Variants in SAMD3 observed in about 807,000 individuals in gnomAD.
The protein encoded by SAMD3 is sterile alpha motif domain-containing protein 3.
In SAMD3, 63 loss-of-function variants were observed where a neutral mutation model predicts 58.5. That is an observed-to-expected ratio of 1.08 (90% CI 0.88 to 1.33). The LOEUF (loss-of-function observed/expected upper bound fraction) is 1.33, where lower values mean the gene tolerates loss of function less well. Ranked by LOEUF, SAMD3 falls within the 40% of genes most tolerant of loss-of-function variation. The pLI, the probability that SAMD3 is intolerant of heterozygous loss-of-function variation, is 0.00. For missense variants in SAMD3, 604 were observed against 608.4 expected (o/e 0.99, Z 0.08); for synonymous variants, 220 against 210.3 (o/e 1.05, Z -0.40).
At chr6:130,318,955 G>C (rs1371618579) in intron 1 of SAMD3, among the ~76,000 whole-genome samples, 1 of 152,070 alleles carries the variant, frequency 6.6e-6, no homozygotes, top group Non-Finnish European at 1.5e-5. Flanking sequence ...TAGATATGAA[G>C]ATACAAAAAT....
chr6:130,276,511 T>C lies in SAMD3; in HGVS notation c.-188+36467A>G, dbSNP rs139631759. Among the ~76,000 whole-genome samples the C allele has an allele frequency of 1.8e-3, 273 of 152,234 alleles. 2 individuals carry two copies. Among genetic ancestry groups the C allele is most frequent in the African/African-American group, 6.0e-3 (248 of 41,542 alleles). The stretch of plus-strand genomic sequence containing the variant: ...CTCTCATAACAGATATTAAGCATAT[T>C]AAAAATATTATAAAGCTATAATAAT... On this transcript the variant is annotated intron_variant, in intron 2 of 13. Transcript: ENST00000368134.
intron 2 of SAMD3, among the ~76,000 whole-genome samples, chr6:130,309,098 C>G (rs192450431): frequency 6.6e-6 from 1 of 152,130 alleles, no homozygotes; most frequent in Non-Finnish European, 1.5e-5. Context: ...GAGAAGAGAG[C>G]CTTCTCCAAG....
intron 8 of SAMD3, among the ~76,000 whole-genome samples, chr6:130,174,028 C>A (rs542658724): frequency 3.3e-5 from 5 of 152,344 alleles, no homozygotes; most frequent in South Asian, 2.1e-4. Flanking sequence ...GCCCTCCCCC[C>A]ACCAAGCTCG....
chr6:130,166,800 A>G (rs567954674), intron 8 of SAMD3, among the ~76,000 whole-genome samples: 1 of 152,342 alleles, frequency 6.6e-6, no homozygotes, highest in East Asian at 1.9e-4. Flanking sequence ...AATCCATGGA[A>G]ATGTAAATCA....
At position 130,307,400 on chromosome 6, in the gene SAMD3, T is replaced by G. The variant is rs539488287; in HGVS notation, c.-188+5578A>C. ...ATCTTTTTGTGAGCATTGGGAGAGATAGATTTGGAGTTAAGCTTTCTTTTC... is the reference window on the plus strand; with the variant it reads ...ATCTTTTTGTGAGCATTGGGAGAGAGAGATTTGGAGTTAAGCTTTCTTTTC... On this transcript the variant is annotated intron_variant, in intron 2 of 13. Transcript: ENST00000368134. Among the ~76,000 whole-genome samples, 228 of 152,330 alleles carry G rather than the reference T, an allele frequency of 1.5e-3. 2 individuals are homozygous for G. The highest frequency in any genetic ancestry group is 2.5e-3 in the Non-Finnish European group (171 of 68,018).
At chr6:130,287,927 G>C (rs565238719) in intron 2 of SAMD3, among the ~76,000 whole-genome samples, 1 of 146,558 alleles carries the variant, frequency 6.8e-6, no homozygotes, top group African/African-American at 2.5e-5. Flanking sequence ...CCTGGTGACA[G>C]AGCATGACTC....
Position 130,146,121 on chromosome 6 carries a change from A to G in SAMD3, c.1084T>C (p.Leu362=), listed in dbSNP as rs367814564. 5 of 1,602,482 alleles carry G rather than the reference A, an allele frequency of 3.1e-6. No homozygotes were observed. The highest frequency in any genetic ancestry group is 1.7e-4 in the Middle Eastern group (1 of 6,016). ...AGTATATTTTCTGAATAGGATTCCA[A>G]AATGTGCCTTGTTTTCTTATAAATA... ...TDIYKKTRHI[L]ESYSENILTS... is the part of the protein sequence containing the mutation. The change falls in exon 10 of 12, where the codon TTG becomes CTG. Residue 362 remains leucine, a synonymous_variant. Transcript: ENST00000439090.
intron 8 of SAMD3, among the ~76,000 whole-genome samples, chr6:130,175,604 A>G (rs979445978): frequency 3.3e-5 from 5 of 152,208 alleles, no homozygotes; most frequent in African/African-American, 1.2e-4. Context: ...AAGTTTTTGA[A>G]GGTTGTGAAA....
intron 5 of SAMD3, among the ~76,000 whole-genome samples, chr6:130,190,932 C>T (rs1582861444): frequency 6.6e-6 from 1 of 151,932 alleles, no homozygotes; most frequent in Admixed American, 6.6e-5. Flanking sequence ...CAATTTCAAA[C>T]ACTATTTCTG....
intron 2 of SAMD3, among the ~76,000 whole-genome samples, chr6:130,274,686 C>T (rs1774709633): frequency 6.6e-6 from 1 of 151,570 alleles, no homozygotes; most frequent in Non-Finnish European, 1.5e-5. Flanking sequence ...GTGATGTGTT[C>T]ATCTGAGCAC....
At chr6:130,143,372 A>G (rs550438186), downstream of SAMD3, among the ~76,000 whole-genome samples, 166 of 152,198 alleles carry the variant, frequency 1.1e-3, no homozygotes, top group Non-Finnish European at 1.8e-3. Flanking sequence ...CAGCCTCCCA[A>G]GTAGCTGGGA....
intron 9 of SAMD3, among the ~76,000 whole-genome samples, chr6:130,147,342 C>T (rs1175847694): frequency 6.6e-6 from 1 of 152,196 alleles, no homozygotes; most frequent in Non-Finnish European, 1.5e-5. Context: ...GGCATAGTGG[C>T]TTTGTTACCA....
chr6:130,145,997 A>G lies in SAMD3; in HGVS notation c.1195+13T>C. On this transcript the variant is annotated intron_variant, in intron 10 of 11. Transcript: ENST00000439090. ...AACAGATGAAATCACACCACTCCAT[A>G]AGGTTTACTAACATTTCAACATGTC... 7.0e-7 allele frequency: 1 copy of G among 1,433,440 alleles called. No individual in the cohort carries two copies. The highest frequency in any genetic ancestry group is 9.2e-7 in the Non-Finnish European group (1 of 1,086,076). The allele number at this position is 1,433,440 out of a possible 1,614,324, so 88.8% of individuals were successfully genotyped here. A position where few individuals can be genotyped will look rare whatever the true frequency, so the allele number is the denominator to read the frequency against.
intron 8 of SAMD3, among the ~76,000 whole-genome samples, chr6:130,163,303 A>G (rs1790428303): frequency 6.6e-6 from 1 of 152,236 alleles, no homozygotes; most frequent in African/African-American, 2.4e-5. Context: ...TAAAAACTAC[A>G]TATGCAGCAC....
chr6:130,285,918 C>T (rs1197046634), intron 2 of SAMD3, among the ~76,000 whole-genome samples: 2 of 152,046 alleles, frequency 1.3e-5, no homozygotes, highest in African/African-American at 2.4e-5. Context: ...CTTTTGATCA[C>T]GGATATGAGA....
rs555679416 is a variant in SAMD3 at position 130,348,339 on chromosome 6, T to C, written c.-304+16781A>G. Among the ~76,000 whole-genome samples, 530 of 152,246 alleles carry C rather than the reference T, an allele frequency of 3.5e-3. 6 individuals carry two copies. The highest frequency in any genetic ancestry group is 0.012 in the African/African-American group (500 of 41,538). ...TGCTGTATTCAGGAAACCCATCTTA[T>C]GTGCAGAGACACACATAGGCTCAAA... On this transcript the variant is annotated intron_variant, in intron 1 of 13. Coordinates refer to the SAMD3 transcript ENST00000368134.
chr6:130,283,022 A>G (rs568009885), intron 2 of SAMD3, among the ~76,000 whole-genome samples: 2 of 152,280 alleles, frequency 1.3e-5, no homozygotes, highest in South Asian at 4.1e-4. Context: ...TTTGTCCTAA[A>G]TGAATAAAAA....
chr6:130,289,663 C>A (rs577875641), intron 2 of SAMD3, among the ~76,000 whole-genome samples: 1 of 152,252 alleles, frequency 6.6e-6, no homozygotes, highest in African/African-American at 2.4e-5. Context: ...CCATGTCTGG[C>A]TAATTTTTGT....
At chr6:130,157,405 C>T (rs1048047564) in intron 8 of SAMD3, among the ~76,000 whole-genome samples, 2 of 151,402 alleles carry the variant, frequency 1.3e-5, no homozygotes, top group Admixed American at 6.6e-5. Flanking sequence ...GTGGCGTGAT[C>T]ACAGCTCAGT....
Sources: allele counts gnomAD v4.1 joint callset (sites outside exome capture counted in the v4.1 genomes callset), GRCh38; gene constraint gnomAD v4.1.1; transcripts MANE v1.5; gene names NCBI Gene and HGNC (gene_info 2026-07-23, HGNC 2026-07-21).